Variants in ESRRG observed in about 807,000 individuals in gnomAD.
The protein encoded by ESRRG is estrogen-related receptor gamma.
ESRRG carries 13 observed loss-of-function variants against 44.0 expected under a neutral mutation model. The observed-to-expected ratio is 0.30, with a 90% CI of 0.19 to 0.47. The LOEUF is 0.47. ESRRG is among the 20% of genes least tolerant of loss of function. ESRRG has a pLI of 1.00. For synonymous variants in ESRRG, 215 were observed against 214.6 expected (o/e 1.00, Z -0.02); for missense variants, 395 against 580.6 (o/e 0.68, Z 3.29).
intron 2 of ESRRG, among the ~76,000 whole-genome samples, chr1:216,904,818 C>T (rs1469306817): frequency 3.3e-5 from 5 of 152,072 alleles, no homozygotes; most frequent in East Asian, 1.9e-4. Context: ...TTCTGGGGTT[C>T]GAAGAGGTTG....
At chr1:216,624,941 G>A (rs992869675) in intron 3 of ESRRG, among the ~76,000 whole-genome samples, 2 of 152,126 alleles carry the variant, frequency 1.3e-5, no homozygotes, top group Admixed American at 6.5e-5. Context: ...CTTGGCTTCT[G>A]GTACCCTACT....
chr1:216,969,594 TC>T (rs1374201330), intron 1 of ESRRG, among the ~76,000 whole-genome samples: 1 of 152,134 alleles, frequency 6.6e-6, no homozygotes. Context: ...AAATTTTCTT[TC>T]CTTTTTTGAG....
chr1:216,509,230 A>G (rs1196039327), intron 6 of ESRRG, among the ~76,000 whole-genome samples: 1 of 152,186 alleles, frequency 6.6e-6, no homozygotes, highest in Non-Finnish European at 1.5e-5. Flanking sequence ...AATTGGGATG[A>G]ATTGTCCTCT....
intron 5 of ESRRG, among the ~76,000 whole-genome samples, chr1:216,563,697 G>C (rs1002994836): frequency 6.6e-6 from 1 of 152,084 alleles, no homozygotes; most frequent in African/African-American, 2.4e-5. Context: ...TATAGGAAAA[G>C]TTACCATGTC....
chr1:216,515,267 G>T (rs2809294), intron 6 of ESRRG, among the ~76,000 whole-genome samples: 73,637 of 151,330 alleles, frequency 0.49, 19,092 homozygotes, highest in Non-Finnish European at 0.61. Flanking sequence ...GTACACGTAT[G>T]TATATATGTG....
chr1:217,055,363 C>A (rs2086870326), intron 1 of ESRRG, among the ~76,000 whole-genome samples: 1 of 152,104 alleles, frequency 6.6e-6, no homozygotes, highest in Non-Finnish European at 1.5e-5. Flanking sequence ...TGGTGGCTGG[C>A]TGTACAGGAG....
intron 1 of ESRRG, among the ~76,000 whole-genome samples, chr1:217,005,271 A>G (rs2077573447): frequency 6.6e-6 from 1 of 152,208 alleles, no homozygotes; most frequent in Non-Finnish European, 1.5e-5. Flanking sequence ...TTTGAAGGAC[A>G]ATCATGACCA....
intron 2 of ESRRG, among the ~76,000 whole-genome samples, chr1:216,779,256 A>AAT (rs1205913617): frequency 4.4e-5 from 2 of 45,702 alleles, no homozygotes; most frequent in Non-Finnish European, 7.4e-5. Flanking sequence ...TATATTTATA[A>AAT]ATATAAATAT....
chr1:216,848,340 T>A (rs1181558695), intron 2 of ESRRG, among the ~76,000 whole-genome samples: 1 of 151,266 alleles, frequency 6.6e-6, no homozygotes, highest in African/African-American at 2.4e-5. Context: ...CTACCTGAGG[T>A]TTAGAATGTC....
chr1:216,681,851 C>G (rs1256491671), intron 1 of ESRRG: 1 of 152,106 alleles, frequency 6.6e-6, no homozygotes, highest in Non-Finnish European at 1.5e-5. Context: ...TGTTCAATTT[C>G]TATTGTAATT....
intron 1 of ESRRG, among the ~76,000 whole-genome samples, chr1:217,128,561 T>C (rs1260871049): frequency 2.0e-5 from 3 of 152,186 alleles, no homozygotes; most frequent in Non-Finnish European, 4.4e-5. Context: ...CTATTTGAAA[T>C]TTCTTGGTAG....
intron 5 of ESRRG, among the ~76,000 whole-genome samples, chr1:216,562,501 C>T (rs951121743): frequency 2.6e-5 from 4 of 151,864 alleles, no homozygotes; most frequent in African/African-American, 9.7e-5. Context: ...GAGGGTCAGG[C>T]TGGGGCGATT....
At chr1:217,053,248 A>G (rs960420878) in intron 1 of ESRRG, among the ~76,000 whole-genome samples, 1 of 151,946 alleles carries the variant, frequency 6.6e-6, no homozygotes, top group Non-Finnish European at 1.5e-5. Context: ...TAAGGTCAGG[A>G]GTTCGAGACC....
chr1:216,662,333 A>C (rs907847940), intron 2 of ESRRG, among the ~76,000 whole-genome samples: 15 of 152,160 alleles, frequency 9.9e-5, no homozygotes, highest in Non-Finnish European at 1.9e-4. Context: ...AAAAGCAAAC[A>C]AACCAACCAA....
intron 2 of ESRRG, among the ~76,000 whole-genome samples, chr1:216,849,941 G>C (rs1363964788): frequency 6.6e-6 from 1 of 152,022 alleles, no homozygotes; most frequent in African/African-American, 2.4e-5. Context: ...GAACTCTCTT[G>C]TTTTAGTGAA....
intron 2 of ESRRG, among the ~76,000 whole-genome samples, chr1:216,900,632 C>T (rs2058964887): frequency 6.6e-6 from 1 of 152,110 alleles, no homozygotes; most frequent in African/African-American, 2.4e-5. Context: ...AAGAGTCAGC[C>T]TCATGTTTTC....
intron 1 of ESRRG, among the ~76,000 whole-genome samples, chr1:216,692,274 G>A (rs2079184553): frequency 6.6e-6 from 1 of 150,932 alleles, no homozygotes; most frequent in African/African-American, 2.4e-5. Context: ...AAACAGTGAT[G>A]TGGATACTCC....
intron 5 of ESRRG, among the ~76,000 whole-genome samples, chr1:216,533,991 A>G (rs927407769): frequency 6.6e-6 from 1 of 152,118 alleles, no homozygotes; most frequent in African/African-American, 2.4e-5. Flanking sequence ...CTCTTTGATG[A>G]ACTACAGACA....
In ESRRG at chr1:216,519,412, G is replaced by A. The variant is rs371851129; in HGVS notation, c.872C>T (p.Thr291Met). 10 of 1,607,422 alleles carry A rather than the reference G, an allele frequency of 6.2e-6. No individual in the cohort carries two copies. Among genetic ancestry groups the A allele is most frequent in the African/African-American group, 5.4e-5 (4 of 74,376 alleles). The change falls in exon 6 of 7, where the codon ACG (threonine) becomes ATG (methionine). Residue 291 changes from threonine to methionine, a missense_variant. By Grantham distance (81) the Thr-to-Met change is moderately conservative. Coordinates refer to ENST00000408911, the MANE Select transcript of ESRRG (RefSeq NM_001438.4). ...GWAKHIPGFSTLSLADQMSLL... is the reference protein window; with the variant it reads ...GWAKHIPGFSMLSLADQMSLL... ...GCTCATCTGGTCCGCCAGGGACAGC[G>A]TGGAGAAGCCTGCATGGAAAGATGG...
Sources: allele counts gnomAD v4.1 joint callset (sites outside exome capture counted in the v4.1 genomes callset), GRCh38; gene constraint gnomAD v4.1.1; transcripts MANE v1.5; gene names NCBI Gene and HGNC (gene_info 2026-07-23, HGNC 2026-07-21).